Variants in TNFAIP8L1 observed in about 807,000 individuals in gnomAD.
The protein encoded by TNFAIP8L1 is tumor necrosis factor alpha-induced protein 8-like protein 1.
For synonymous variants in TNFAIP8L1, 127 were observed against 125.6 expected (o/e 1.01, Z -0.08); for missense variants, 225 against 266.1 (o/e 0.85, Z 1.08).
At position 4,652,123 on chromosome 19, in the gene TNFAIP8L1, C is replaced by T. The variant is rs781420995; in HGVS notation, c.254C>T (p.Ala85Val). 7 of 1,582,216 alleles carry T rather than the reference C, an allele frequency of 4.4e-6. No homozygotes were observed. In the South Asian group the frequency reaches 4.6e-5, roughly 10 times the overall value. ...GACCAGCTGGGCGGTGAGGAGCTGG[C>T]GCTGCTGCGGCGCTTCCGCCACCGG... ...RGDQLGGEEL[A>V]LLRRFRHRAR... Residue 85 changes from alanine (A) to valine (V), a missense_variant, in exon 2 of 2, where the codon GCG (alanine) becomes GTG (valine). Coordinates refer to ENST00000327473, the MANE Select transcript of TNFAIP8L1 (RefSeq NM_152362.3).
At chr19:4,649,059 A>T (rs2145170941) in intron 1 of TNFAIP8L1, among the ~76,000 whole-genome samples, 1 of 150,230 alleles carries the variant, frequency 6.7e-6, no homozygotes, top group African/African-American at 2.4e-5. Flanking sequence ...CCCCCAAAGT[A>T]GCTGGGACTA....
At chr19:4,640,967 C>T (rs892775744) in intron 1 of TNFAIP8L1, 12 of 149,078 alleles carry the variant, frequency 8.0e-5, no homozygotes, top group African/African-American at 2.7e-4. Context: ...GGGCACTGGC[C>T]AGAGGCTGGA....
chr19:4,649,188 C>T (rs1164733015), intron 1 of TNFAIP8L1, among the ~76,000 whole-genome samples: 3 of 151,512 alleles, frequency 2.0e-5, no homozygotes, highest in East Asian at 1.9e-4. Context: ...CCTTGGCTTC[C>T]GAAAGTGCTG....
chr19:4,653,842 TGAC>T lies in TNFAIP8L1; in HGVS notation c.*1415_*1417del, dbSNP rs2088397153. The T allele has an allele frequency of 7.0e-6, 1 of 143,434 alleles. No individual in the cohort carries two copies. The highest frequency in any genetic ancestry group is 1.5e-5 in the Non-Finnish European group (1 of 66,742). The allele number at this position is 143,434 out of a possible 1,614,324, so 8.9% of individuals were successfully genotyped here. A position where few individuals can be genotyped will look rare whatever the true frequency, so the allele number is the denominator to read the frequency against. The stretch of plus-strand genomic sequence containing the variant: ...CGTATAATCCCAGCTACTTGAGAGA[TGAC>T]GAGGGAAGATCACTTGAGCCCAGGA... On this transcript the variant is annotated 3_prime_UTR_variant, in exon 2 of 2. Transcript: ENST00000327473.
chr19:4,653,600 CA>C lies in TNFAIP8L1; in HGVS notation c.*1175del, dbSNP rs1171837785. The C allele has an allele frequency of 6.6e-6, 1 of 151,300 alleles. No homozygotes were observed. The highest frequency in any genetic ancestry group is 2.0e-4 in the East Asian group (1 of 5,060). The allele number at this position is 151,300 out of a possible 1,614,324, so 9.4% of individuals were successfully genotyped here. On this transcript the variant is annotated 3_prime_UTR_variant, in exon 2 of 2. Coordinates refer to ENST00000327473, the MANE Select transcript of TNFAIP8L1 (RefSeq NM_152362.3). ...TGAAACCCCGTCTCTACTAAAAATACAAAAATTAGCCGGGCATGGTGTTGCG... is the reference window on the plus strand; with the variant it reads ...TGAAACCCCGTCTCTACTAAAAATACAAAATTAGCCGGGCATGGTGTTGCG...
chr19:4,646,162 A>C (rs979730599), intron 1 of TNFAIP8L1, among the ~76,000 whole-genome samples: 2 of 151,786 alleles, frequency 1.3e-5, no homozygotes, highest in Non-Finnish European at 2.9e-5. Context: ...CAGTTTTTGC[A>C]CCCAGGCTGG....
chr19:4,648,024 A>C (rs561559227), intron 1 of TNFAIP8L1, among the ~76,000 whole-genome samples: 12 of 152,292 alleles, frequency 7.9e-5, no homozygotes, highest in African/African-American at 2.9e-4. Flanking sequence ...CTGTATCCCC[A>C]GTGCCTCTGT....
Position 4,643,159 on chromosome 19 carries a change from A to C in TNFAIP8L1, c.-4+3530A>C, listed in dbSNP as rs564716952. Among the ~76,000 whole-genome samples the C allele has an allele frequency of 3.9e-3, 596 of 152,036 alleles. 2 individuals carry two copies. Among genetic ancestry groups the C allele is most frequent in the Non-Finnish European group, 6.6e-3 (446 of 67,964 alleles). ...CCAGGCATGGTGGCACGTGTCTGTA[A>C]TACCAGCTACTCAGGAAGCTGAGGC... On this transcript the variant is annotated intron_variant, in intron 1 of 1. Coordinates refer to ENST00000327473, the MANE Select transcript of TNFAIP8L1 (RefSeq NM_152362.3).
rs752000605 is a variant in TNFAIP8L1, at chr19:4,652,781, T to G, written c.*351T>G. 1.1e-5 allele frequency: 3 copies of G among 273,484 alleles called. No homozygotes were observed. The highest frequency in any genetic ancestry group is 2.2e-5 in the African/African-American group (1 of 44,956). 16.9% of individuals were successfully genotyped at this position (273,484 alleles called of 1,614,324 possible). A position where few individuals can be genotyped will look rare whatever the true frequency, so the allele number is the denominator to read the frequency against. On this transcript the variant is annotated 3_prime_UTR_variant, in exon 2 of 2. Transcript: ENST00000327473. ...TGCCTCCCACTTGGATCATGTCGCC[T>G]GGGATTTTCATCCCTCGCACAAGGA...
intron 1 of TNFAIP8L1, among the ~76,000 whole-genome samples, chr19:4,650,853 G>T (rs1162896673): frequency 6.6e-6 from 1 of 152,104 alleles, no homozygotes; most frequent in Non-Finnish European, 1.5e-5. Flanking sequence ...GTGTGGTGGC[G>T]GGCGCCTGTA....
At position 4,652,575 on chromosome 19, in the gene TNFAIP8L1, T is replaced by A; in HGVS notation, c.*145T>A. ...CTAGACAGATGGGTGACCTGTCTCCTTTGAGAGGATGCTGAGGCATCTGTA... is the reference window on the plus strand; with the variant it reads ...CTAGACAGATGGGTGACCTGTCTCCATTGAGAGGATGCTGAGGCATCTGTA... On this transcript the variant is annotated 3_prime_UTR_variant, in exon 2 of 2. Transcript: ENST00000327473. 1 of 762,508 alleles carries A rather than the reference T, an allele frequency of 1.3e-6. No individual in the cohort carries two copies. Among genetic ancestry groups the A allele is most frequent in the Non-Finnish European group, 2.0e-6 (1 of 492,356 alleles). The allele number at this position is 762,508 out of a possible 1,614,324, so 47.2% of individuals were successfully genotyped here.
At chr19:4,650,945 C>T (rs971312604) in intron 1 of TNFAIP8L1, among the ~76,000 whole-genome samples, 1 of 152,144 alleles carries the variant, frequency 6.6e-6, no homozygotes, top group Non-Finnish European at 1.5e-5. Flanking sequence ...GATCGTGCCA[C>T]CACACTCCAG....
At chr19:4,650,178 G>A (rs1292103832) in intron 1 of TNFAIP8L1, among the ~76,000 whole-genome samples, 3 of 152,184 alleles carry the variant, frequency 2.0e-5, no homozygotes, top group South Asian at 4.1e-4. Flanking sequence ...ACCAGTTGGG[G>A]TGCAGAGCTG....
chr19:4,640,667 T>G (rs2088251883), intron 1 of TNFAIP8L1: 1 of 152,334 alleles, frequency 6.6e-6, no homozygotes, highest in Non-Finnish European at 1.5e-5. Context: ...GCTCATAACC[T>G]GCCTGACTCT....
Position 4,645,967 on chromosome 19 carries a change from G to A in TNFAIP8L1, c.-3-5900G>A, listed in dbSNP as rs1254661962. 6.6e-6 allele frequency among the ~76,000 whole-genome samples: 1 copy of A among 151,998 alleles called. No homozygotes were observed. Among genetic ancestry groups the A allele is most frequent in the South Asian group, 2.1e-4 (1 of 4,830 alleles). ...TTGCACAGGCTGTGCCCTTTGCCTG[G>A]AGCATCTTCCCGCAGACCCTGTCAT... On this transcript the variant is annotated intron_variant, in intron 1 of 1. Transcript: ENST00000327473. This position sits in a 1 kb window ranked among gnomAD's most constrained non-coding sequence, Gnocchi z 4.1.
rs984547917 is a variant in TNFAIP8L1 at position 4,641,332 on chromosome 19, A to G, written c.-4+1703A>G. 6.6e-6 allele frequency: 1 copy of G among 151,668 alleles called. No individual in the cohort carries two copies. The highest frequency in any genetic ancestry group is 1.5e-5 in the Non-Finnish European group (1 of 67,916). The allele number at this position is 151,668 out of a possible 1,614,324, so 9.4% of individuals were successfully genotyped here. The stretch of plus-strand genomic sequence containing the variant: ...AAACTCCAGCCGTTGACAGGGGAAC[A>G]CTCCTCCCAGAGAGACGTCAACGCT... On this transcript the variant is annotated intron_variant, in intron 1 of 1. Transcript: ENST00000327473. This position sits in a 1 kb window ranked among gnomAD's most constrained non-coding sequence, Gnocchi z 4.6.
chr19:4,644,402 A>G (rs1430360668), intron 1 of TNFAIP8L1, among the ~76,000 whole-genome samples: 4 of 147,392 alleles, frequency 2.7e-5, no homozygotes, highest in Non-Finnish European at 6.0e-5. Context: ...AAAATTAACC[A>G]GGCATGGTGG....
At chr19:4,648,522 G>A (rs927193513) in intron 1 of TNFAIP8L1, among the ~76,000 whole-genome samples, 1 of 152,214 alleles carries the variant, frequency 6.6e-6, no homozygotes, top group Non-Finnish European at 1.5e-5. Flanking sequence ...GGGCTGCCCC[G>A]GCCGTCTTAG....
chr19:4,651,826 C>A (rs776943931), intron 1 of TNFAIP8L1, 41 bp from the exon 2 acceptor site: 2 of 1,544,924 alleles, frequency 1.3e-6, no homozygotes. Context: ...TGAGGAGTGC[C>A]CCAACGTGCA....
Sources: gnomAD v4.1 joint callset for allele counts (sites outside exome capture counted in the v4.1 genomes callset) on GRCh38, gnomAD v4.1.1 for gene constraint, Gnocchi (gnomAD v3.1) non-coding constraint, MANE v1.5 for transcripts, NCBI Gene and HGNC (gene_info 2026-07-23, HGNC 2026-07-21) for gene names.